The following TBC1D5 variants were observed in gnomAD, a reference collection of about 807,000 sequenced individuals.
The protein encoded by TBC1D5 is TBC1 domain family, member 5.
Under a neutral mutation model 100.3 loss-of-function variants are expected in TBC1D5, and 75 were observed. The observed-to-expected ratio is 0.75, with a 90% confidence interval of 0.62 to 0.91. The LOEUF (loss-of-function observed/expected upper bound fraction) is 0.91. TBC1D5 is among the 40% of genes least tolerant of loss of function. The pLI is 0.00. For missense variants in TBC1D5, 910 were observed against 942.4 expected (o/e 0.97, Z 0.45); for synonymous variants, 323 against 325.6 (o/e 0.99, Z 0.09).
At chr3:17,705,358 C>A (rs1425958247) in intron 1 of TBC1D5, among the ~76,000 whole-genome samples, 3 of 109,006 alleles carry the variant, frequency 2.8e-5, no homozygotes, top group Non-Finnish European at 6.0e-5. Context: ...CCCCCCCCCA[C>A]CTCCCTCCCG....
At chr3:17,268,808 C>A (rs2079081264) in intron 15 of TBC1D5, among the ~76,000 whole-genome samples, 1 of 152,038 alleles carries the variant, frequency 6.6e-6, no homozygotes, top group Admixed American at 6.6e-5. Flanking sequence ...AGAGACCATT[C>A]GGGGGCTTGA....
At chr3:17,451,262 C>T (rs975112255) in intron 3 of TBC1D5, among the ~76,000 whole-genome samples, 15 of 152,102 alleles carry the variant, frequency 9.9e-5, no homozygotes, top group African/African-American at 2.4e-4. Flanking sequence ...GCAGTACCAC[C>T]CACTGCAAAA....
chr3:17,568,018 A>G (rs2096603929), intron 2 of TBC1D5, among the ~76,000 whole-genome samples: 1 of 151,548 alleles, frequency 6.6e-6, no homozygotes, highest in South Asian at 2.1e-4. Context: ...CTTTCCTTCC[A>G]AACTCTTCTC....
intron 18 of TBC1D5, among the ~76,000 whole-genome samples, chr3:17,190,365 T>C (rs934377764): frequency 1.3e-5 from 2 of 152,124 alleles, no homozygotes; most frequent in African/African-American, 2.4e-5. Flanking sequence ...TCAATTTGTG[T>C]ATGTGGAAAG....
At chr3:17,316,736 T>C (rs571528781) in intron 13 of TBC1D5, among the ~76,000 whole-genome samples, 54 of 152,308 alleles carry the variant, frequency 3.5e-4, no homozygotes, top group Non-Finnish European at 3.8e-4. Flanking sequence ...AAATCGGCAC[T>C]ATCTTGGGAA....
intron 3 of TBC1D5, among the ~76,000 whole-genome samples, chr3:17,491,255 T>C (rs2095636341): frequency 6.6e-6 from 1 of 152,172 alleles, no homozygotes; most frequent in Non-Finnish European, 1.5e-5. Context: ...TATATCTGCA[T>C]ACAAAGATAG....
intron 2 of TBC1D5, among the ~76,000 whole-genome samples, chr3:17,589,467 T>C (rs1379774532): frequency 1.3e-5 from 2 of 152,212 alleles, no homozygotes; most frequent in East Asian, 1.9e-4. Flanking sequence ...GTTCTTGTGA[T>C]AGTGATTAAG....
At chr3:17,324,366 G>T (rs552382364) in intron 13 of TBC1D5, among the ~76,000 whole-genome samples, 1 of 152,158 alleles carries the variant, frequency 6.6e-6, no homozygotes, top group African/African-American at 2.4e-5. Context: ...AAATAGGCCC[G>T]GTGTGGTGGC....
At chr3:17,403,498 C>G (rs993085492) in intron 7 of TBC1D5, among the ~76,000 whole-genome samples, 2 of 151,820 alleles carry the variant, frequency 1.3e-5, no homozygotes, top group African/African-American at 4.8e-5. Context: ...TCTGCAGGTT[C>G]CACAACAAAA....
intron 13 of TBC1D5, among the ~76,000 whole-genome samples, chr3:17,312,937 T>TCC (rs1330293887): frequency 6.6e-6 from 1 of 152,130 alleles, no homozygotes; most frequent in East Asian, 1.9e-4. Flanking sequence ...TTCTCTCTCC[T>TCC]TCTCTCTCTC....
chr3:17,463,539 C>A (rs1396926273), intron 3 of TBC1D5, among the ~76,000 whole-genome samples: 1 of 152,148 alleles, frequency 6.6e-6, no homozygotes, highest in African/African-American at 2.4e-5. Flanking sequence ...TTGGGCATAC[C>A]ATTTAAGGGG....
chr3:17,337,657 A>T (rs1374699229), intron 13 of TBC1D5: 1 of 152,172 alleles, frequency 6.6e-6, no homozygotes, highest in Non-Finnish European at 1.5e-5. Context: ...CAAAAGATAA[A>T]CCTGAAGTTT....
chr3:17,596,320 T>A (rs1224414288), intron 2 of TBC1D5, among the ~76,000 whole-genome samples: 2 of 149,696 alleles, frequency 1.3e-5, no homozygotes, highest in Non-Finnish European at 3.0e-5. Flanking sequence ...CTTTCCTTTT[T>A]TTTTTTTTTT....
chr3:17,563,857 T>A (rs969471161), intron 2 of TBC1D5, among the ~76,000 whole-genome samples: 127 of 152,268 alleles, frequency 8.3e-4, no homozygotes, highest in African/African-American at 2.5e-3. Flanking sequence ...ATCTCAGCTC[T>A]CTGCAAGCTC....
chr3:17,186,754 G>C (rs376343098), intron 18 of TBC1D5, among the ~76,000 whole-genome samples: 2 of 97,628 alleles, frequency 2.0e-5, no homozygotes, highest in African/African-American at 7.3e-5. Flanking sequence ...ATTAAAAAAA[G>C]AAAAGAAAAG....
intron 1 of TBC1D5, among the ~76,000 whole-genome samples, chr3:17,696,073 C>A (rs2072016059): frequency 1.3e-5 from 2 of 151,960 alleles, no homozygotes; most frequent in Non-Finnish European, 2.9e-5. Flanking sequence ...CACAATGTAC[C>A]AGAATCTCTG....
chr3:17,337,123 GTTTTTTTTTTT>G (rs11328091), intron 13 of TBC1D5, among the ~76,000 whole-genome samples: 2 of 116,152 alleles, frequency 1.7e-5, no homozygotes, highest in Non-Finnish European at 3.4e-5. Context: ...TATCTGAGAG[GTTTTTTTTTTT>G]TTTTTTTTTT....
At chr3:17,426,370 A>G (rs115729184) in intron 4 of TBC1D5, among the ~76,000 whole-genome samples, 3,420 of 152,214 alleles carry the variant, frequency 0.022, 122 homozygotes, top group African/African-American at 0.077. Flanking sequence ...ATCCACAAGT[A>G]AGCTCATTAT....
At chr3:17,706,904 C>G (rs2074242427) in intron 1 of TBC1D5, among the ~76,000 whole-genome samples, 1 of 151,132 alleles carries the variant, frequency 6.6e-6, no homozygotes, top group African/African-American at 2.4e-5. Flanking sequence ...ATCTTTTGGA[C>G]TGACATTTAC....
Sources: allele counts gnomAD v4.1 joint callset (sites outside exome capture counted in the v4.1 genomes callset), GRCh38; gene constraint gnomAD v4.1.1; transcripts MANE v1.5; gene names NCBI Gene and HGNC (gene_info 2026-07-23, HGNC 2026-07-21).